The following POLN variants were observed in gnomAD, a reference collection of about 807,000 sequenced individuals.
POLN encodes DNA polymerase nu.
In POLN, 108 loss-of-function variants were observed where a neutral mutation model predicts 113.5. The observed-to-expected ratio is 0.95, with a 90% confidence interval of 0.81 to 1.12. The LOEUF (loss-of-function observed/expected upper bound fraction) is 1.12, where lower values mean the gene tolerates loss of function less well. Ranked by LOEUF, POLN falls within the 50% of genes most tolerant of loss-of-function variation. POLN has a pLI of 0.00. For missense variants in POLN, 1,097 were observed against 1,077.1 expected, an observed-to-expected ratio of 1.02 and a Z score of -0.26; for synonymous variants, 386 against 391.5, an observed-to-expected ratio of 0.99 and a Z score of 0.17.
intron 19 of POLN, among the ~76,000 whole-genome samples, chr4:2,107,341 C>T (rs1731088543): frequency 6.6e-6 from 1 of 152,166 alleles, no homozygotes; most frequent in African/African-American, 2.4e-5. Flanking sequence ...ATTTCATCAA[C>T]TAGAGTAACC....
rs559714306 is a variant in POLN, at chr4:2,118,495, C to T, written c.1982+9618G>A. Among the ~76,000 whole-genome samples, 50 of 152,334 alleles carry T rather than the reference C, an allele frequency of 3.3e-4. No individual in the cohort carries two copies. In the South Asian group the frequency reaches 9.9e-3, roughly 30 times the overall value. ...TCACATGTAGACATAGCTCAAAGCA[C>T]GTTCTAGCATTCTGTTGGCCCATCT... On this transcript the variant is annotated intron_variant, in intron 19 of 25. Transcript: ENST00000511885.
At chr4:2,197,634 G>A (rs540776424) in intron 6 of POLN, among the ~76,000 whole-genome samples, 13 of 152,312 alleles carry the variant, frequency 8.5e-5, no homozygotes, top group African/African-American at 3.1e-4. Context: ...CCATACACTA[G>A]ACCTGACCAG....
chr4:2,231,491 T>TG (rs1734577364), intron 2 of POLN: 1 of 154,690 alleles, frequency 6.5e-6, no homozygotes, highest in South Asian at 2.0e-4. Flanking sequence ...CCCAGCTACT[T>TG]GGGAGGCTGA....
At position 2,159,146 on chromosome 4, in the gene POLN, T is replaced by C. The variant is rs1732514279; in HGVS notation, c.1611+9A>G. 6.3e-7 allele frequency: 1 copy of C among 1,593,982 alleles called. No individual in the cohort carries two copies. The highest frequency in any genetic ancestry group is 8.6e-7 in the Non-Finnish European group (1 of 1,162,458). On this transcript the variant is annotated intron_variant, in intron 14 of 25. Transcript: ENST00000511885. ...CTTTTACCTTTTACGTACAAAAAAA[T>C]TAACTTACCTGCCTGTATTCCAAAA... is the stretch of plus-strand genomic sequence containing the variant.
chr4:2,072,938 A>C, intron 25 of POLN, 30 bp downstream of exon 25: 4 of 1,610,596 alleles, frequency 2.5e-6, no homozygotes, highest in Non-Finnish European at 3.4e-6. Flanking sequence ...TGGGCTCCGG[A>C]AGACCGGGCA....
At chr4:2,214,401 C>A (rs546088346) in intron 3 of POLN, among the ~76,000 whole-genome samples, 13 of 152,002 alleles carry the variant, frequency 8.6e-5, no homozygotes, top group Non-Finnish European at 1.5e-4. Context: ...AGCACCACAT[C>A]AAAAAGAAAA....
intron 16 of POLN, among the ~76,000 whole-genome samples, chr4:2,148,211 T>C (rs1033915376): frequency 6.6e-6 from 1 of 152,014 alleles, no homozygotes; most frequent in Non-Finnish European, 1.5e-5. Context: ...AATATAGTAA[T>C]AGAAACTATT....
chr4:2,178,493 C>A (rs780214295), intron 8 of POLN, among the ~76,000 whole-genome samples: 1 of 152,202 alleles, frequency 6.6e-6, no homozygotes, highest in Non-Finnish European at 1.5e-5. Context: ...GCTGAGAAGT[C>A]TCTCTCTCTG....
At chr4:2,220,851 T>G (rs1734235984) in intron 3 of POLN, among the ~76,000 whole-genome samples, 1 of 152,148 alleles carries the variant, frequency 6.6e-6, no homozygotes, top group African/African-American at 2.4e-5. Context: ...GAACAAAACA[T>G]TTATGAATCT....
rs767614215 is a variant in POLN, at chr4:2,081,628, G to C, written c.2308+5C>G. Reference sequence around the variant, plus strand: ...ACAGAACTACAGGTAAGAGGCTTCTGGTACCTTGCACCACGAAGTTCACTG... The same window carrying C: ...ACAGAACTACAGGTAAGAGGCTTCTCGTACCTTGCACCACGAAGTTCACTG... On this transcript the variant is annotated splice_donor_5th_base_variant and intron_variant, in intron 22 of 25. Transcript: ENST00000511885. 14 of 1,613,740 alleles carry C rather than the reference G, an allele frequency of 8.7e-6. No homozygotes were observed. Among genetic ancestry groups the C allele is most frequent in the African/African-American group, 2.7e-5 (2 of 74,914 alleles).
intron 3 of POLN, among the ~76,000 whole-genome samples, chr4:2,224,003 G>GT (rs1427466202): frequency 2.6e-5 from 4 of 151,910 alleles, no homozygotes; most frequent in African/African-American, 4.8e-5. Flanking sequence ...GTACTTTAAC[G>GT]TTTTTTACTT....
chr4:2,206,109 C>T (rs997890696), intron 5 of POLN, among the ~76,000 whole-genome samples: 3 of 152,074 alleles, frequency 2.0e-5, no homozygotes, highest in Admixed American at 2.0e-4. Context: ...TACTTACAGC[C>T]AACTGATCTT....
At chr4:2,169,377 G>A (rs76991928) in intron 13 of POLN, among the ~76,000 whole-genome samples, 2,882 of 152,250 alleles carry the variant, frequency 0.019, 105 homozygotes, top group African/African-American at 0.066. Context: ...TGGTAGAGAC[G>A]GGGGAATGGG....
intron 16 of POLN, among the ~76,000 whole-genome samples, chr4:2,144,465 T>C (rs1029972898): frequency 6.6e-6 from 1 of 152,178 alleles, no homozygotes; most frequent in Non-Finnish European, 1.5e-5. Context: ...TTAAGAAGAC[T>C]CTTTTCTTAA....
At chr4:2,236,022 A>G (rs982141500) in intron 2 of POLN, among the ~76,000 whole-genome samples, 3 of 152,210 alleles carry the variant, frequency 2.0e-5, no homozygotes, top group Admixed American at 2.0e-4. Flanking sequence ...AAAATTATAT[A>G]CATTTTTAAA....
intron 14 of POLN, 56 bp from the exon 15 acceptor site, chr4:2,157,967 G>C (rs1288749156): frequency 2.8e-6 from 4 of 1,412,228 alleles, no homozygotes; most frequent in Admixed American, 3.5e-5. Flanking sequence ...CTTTTTTTGT[G>C]GGGGGAAGGA....
chr4:2,142,946 A>G (rs1732040282), intron 16 of POLN, among the ~76,000 whole-genome samples: 1 of 150,070 alleles, frequency 6.7e-6, no homozygotes, highest in Non-Finnish European at 1.5e-5. Context: ...CCAGTGTGGT[A>G]TTTGGAGTTG....
At chr4:2,082,085 G>A (rs1213368095) in intron 21 of POLN, among the ~76,000 whole-genome samples, 3 of 151,406 alleles carry the variant, frequency 2.0e-5, no homozygotes, top group Non-Finnish European at 4.4e-5. Flanking sequence ...CTCCTGAGTA[G>A]CTGGGATTAC....
At chr4:2,172,113 G>A (rs1397707088) in intron 11 of POLN, among the ~76,000 whole-genome samples, 3 of 152,104 alleles carry the variant, frequency 2.0e-5, no homozygotes, top group African/African-American at 4.8e-5. Flanking sequence ...AAAGCTAATC[G>A]ATCCCACTAA....
Sources: gnomAD v4.1 joint callset for allele counts (sites outside exome capture counted in the v4.1 genomes callset) on GRCh38, gnomAD v4.1.1 for gene constraint, MANE v1.5 for transcripts, NCBI Gene and HGNC (gene_info 2026-07-23, HGNC 2026-07-21) for gene names.